IRAG1: variants seen among roughly 807,000 people sequenced by gnomAD.
IRAG1 encodes the protein inositol 1,4,5-triphosphate receptor associated 1.
In IRAG1, 62 loss-of-function variants were observed where a neutral mutation model predicts 106.2. The observed-to-expected ratio is 0.58, with a 90% confidence interval of 0.48 to 0.72. The LOEUF (loss-of-function observed/expected upper bound fraction) is 0.72. Among genes scored for constraint, IRAG1 ranks in the 30% least tolerant of loss-of-function variants. The pLI is 0.00. For synonymous variants in IRAG1, 462 were observed against 443.9 expected, an observed-to-expected ratio of 1.04 and a Z score of -0.51; for missense variants, 1,064 against 1,140.7, an observed-to-expected ratio of 0.93 and a Z score of 0.97.
At chr11:10,672,643 AG>A (rs775956300) in intron 1 of IRAG1, among the ~76,000 whole-genome samples, 7 of 152,220 alleles carry the variant, frequency 4.6e-5, no homozygotes, top group Non-Finnish European at 1.0e-4. Flanking sequence ...TACACCCATG[AG>A]GGTGGTTAAA....
rs1262016418 is a variant in IRAG1 at position 10,626,383 on chromosome 11, G to A, written c.951C>T (p.Ala317=). ...APVTNSSGKM[A]LNSPQPGPVE... is the part of the protein sequence containing the mutation. The stretch of plus-strand genomic sequence containing the variant: ...CGGGGCCAGGCTGAGGGCTGTTCAG[G>A]GCCATTTTCCCACTGCTGTTTGTAA... Residue 317 remains alanine (A), a synonymous_variant, in exon 9 of 21, where the codon GCC becomes GCT. Transcript: ENST00000423302. The A allele has an allele frequency of 6.2e-7, 1 of 1,613,862 alleles. No homozygotes were observed.
At chr11:10,649,150 G>T (rs1858238107) in intron 2 of IRAG1, among the ~76,000 whole-genome samples, 1 of 152,202 alleles carries the variant, frequency 6.6e-6, no homozygotes, top group African/African-American at 2.4e-5. Flanking sequence ...CCTGAGGCCT[G>T]ACCCTCCCGA....
intron 1 of IRAG1, among the ~76,000 whole-genome samples, chr11:10,670,389 G>A (rs960932589): frequency 1.3e-5 from 2 of 152,268 alleles, no homozygotes; most frequent in South Asian, 2.1e-4. Context: ...TAACTAAAAC[G>A]AGTTCTAGGG....
At chr11:10,582,950 G>A (rs951878903) in intron 18 of IRAG1, among the ~76,000 whole-genome samples, 25 of 152,234 alleles carry the variant, frequency 1.6e-4, no homozygotes, top group Middle Eastern at 3.4e-3. Flanking sequence ...GCAAAACTCA[G>A]TAAAAAAGCA....
intron 10 of IRAG1, among the ~76,000 whole-genome samples, chr11:10,616,208 G>A (rs1428458150): frequency 6.6e-6 from 1 of 151,112 alleles, no homozygotes; most frequent in Non-Finnish European, 1.5e-5. Context: ...AAGGAGAGCG[G>A]CGTGAATCCG....
intron 1 of IRAG1, among the ~76,000 whole-genome samples, chr11:10,679,677 G>T (rs1860988371): frequency 6.6e-6 from 1 of 152,184 alleles, no homozygotes; most frequent in African/African-American, 2.4e-5. Flanking sequence ...GATGCCACGT[G>T]ATCCATCCTG....
intron 13 of IRAG1, 113 bp downstream of exon 13, chr11:10,604,292 A>C: frequency 7.3e-7 from 1 of 1,366,910 alleles, no homozygotes; most frequent in South Asian, 1.4e-5. Context: ...GTCTTGGCTC[A>C]ATTTTTCACT....
chr11:10,592,907 C>T (rs1852839829), intron 17 of IRAG1, among the ~76,000 whole-genome samples: 1 of 152,160 alleles, frequency 6.6e-6, no homozygotes, highest in Non-Finnish European at 1.5e-5. Context: ...ACTGTTTATA[C>T]ACTAGGTTTT....
chr11:10,662,961 G>A (rs1459553730), intron 1 of IRAG1, among the ~76,000 whole-genome samples: 4 of 152,204 alleles, frequency 2.6e-5, no homozygotes, highest in Non-Finnish European at 5.9e-5. Flanking sequence ...GGTTCTTTCA[G>A]AAGCCAACAT....
chr11:10,639,835 G>C (rs1857393666), intron 2 of IRAG1, among the ~76,000 whole-genome samples: 1 of 152,172 alleles, frequency 6.6e-6, no homozygotes, highest in Admixed American at 6.5e-5. Context: ...GAAGAGAGGG[G>C]CACTGGGCTG....
At chr11:10,680,540 G>GAAGGAAGAAAGGAAGGAAGGAA (rs149163071) in intron 1 of IRAG1, among the ~76,000 whole-genome samples, 1 of 85,728 alleles carries the variant, frequency 1.2e-5, no homozygotes, top group Non-Finnish European at 2.4e-5. Flanking sequence ...AGGAAGGAAG[G>GAAGGAAGAAAGGAAGGAAGGAA]GGAAGGGGAA....
At chr11:10,668,016 C>T (rs957410796) in intron 1 of IRAG1, among the ~76,000 whole-genome samples, 17 of 152,184 alleles carry the variant, frequency 1.1e-4, no homozygotes, top group African/African-American at 4.1e-4. Flanking sequence ...GTATCCTGCA[C>T]CCCAGCCTCA....
chr11:10,634,441 T>C (rs1856978201), intron 2 of IRAG1, among the ~76,000 whole-genome samples: 1 of 152,162 alleles, frequency 6.6e-6, no homozygotes, highest in Admixed American at 6.5e-5. Flanking sequence ...ATTCCAAGTA[T>C]ACAATACATT....
rs1850687463 is a variant in IRAG1, at chr11:10,573,565, ATGCTCCCT to A, written c.*2759_*2766del. The A allele has an allele frequency of 6.6e-6, 1 of 152,160 alleles. No homozygotes were observed. Among genetic ancestry groups the A allele is most frequent in the Non-Finnish European group, 1.5e-5 (1 of 68,054 alleles). 9.4% of individuals were successfully genotyped at this position (152,160 alleles called of 1,614,324 possible). ...AGCCCCTGTATATATGGCTATTCTT[ATGCTCCCT>A]TTTGGAGATGTCCTTTTCCTCGACC... On this transcript the variant is annotated 3_prime_UTR_variant, in exon 21 of 21. Coordinates refer to ENST00000423302, the MANE Select transcript of IRAG1 (RefSeq NM_130385.4).
chr11:10,642,368 T>C (rs1266374507), intron 2 of IRAG1, among the ~76,000 whole-genome samples: 1 of 152,222 alleles, frequency 6.6e-6, no homozygotes, highest in Non-Finnish European at 1.5e-5. Flanking sequence ...TATAGGCCAG[T>C]GTCATAGATG....
chr11:10,652,418 A>C, intron 1 of IRAG1: 1 of 1,092,480 alleles, frequency 9.2e-7, no homozygotes, highest in African/African-American at 1.6e-5. Flanking sequence ...TTTACAGTAA[A>C]CACAGCTATC....
Position 10,657,274 on chromosome 11 carries a change from C to G in IRAG1, c.68-5092G>C, listed in dbSNP as rs1858995614. 6.6e-6 allele frequency among the ~76,000 whole-genome samples: 1 copy of G among 152,048 alleles called. No homozygotes were observed. Among genetic ancestry groups the G allele is most frequent in the Non-Finnish European group, 1.5e-5 (1 of 67,992 alleles). ...AGGAAACAGAGGCCCAGAGACTTGC[C>G]CAATGTCATCGCTCATGAATGGCAG... is the stretch of plus-strand genomic sequence containing the variant. On this transcript the variant is annotated intron_variant, in intron 1 of 20. Coordinates refer to ENST00000423302, the MANE Select transcript of IRAG1 (RefSeq NM_130385.4). This position sits in a 1 kb window ranked among gnomAD's most constrained non-coding sequence, Gnocchi z 4.1.
intron 1 of IRAG1, among the ~76,000 whole-genome samples, chr11:10,673,532 G>A (rs1262789810): frequency 6.6e-6 from 1 of 151,980 alleles, no homozygotes; most frequent in African/African-American, 2.4e-5. Flanking sequence ...ATAAGTGTGG[G>A]GTTTCTTTTT....
intron 15 of IRAG1, among the ~76,000 whole-genome samples, chr11:10,600,680 G>T (rs956587727): frequency 6.6e-6 from 1 of 152,240 alleles, no homozygotes; most frequent in African/African-American, 2.4e-5. Flanking sequence ...CAGCCACTGT[G>T]ATTTATTGCT....
Sources: gnomAD v4.1 joint callset for allele counts (sites outside exome capture counted in the v4.1 genomes callset) on GRCh38, gnomAD v4.1.1 for gene constraint, Gnocchi (gnomAD v3.1) non-coding constraint, MANE v1.5 for transcripts, NCBI Gene and HGNC (gene_info 2026-07-23, HGNC 2026-07-21) for gene names.